COL6A5: variants seen among roughly 807,000 people sequenced by gnomAD.
COL6A5 encodes collagen type VI alpha 5 chain.
A neutral mutation model predicts 65.6 loss-of-function variants in COL6A5; 48 were observed. That is an observed-to-expected ratio of 0.73 (90% CI 0.58 to 0.93). The LOEUF (loss-of-function observed/expected upper bound fraction) is 0.93. Ranked by LOEUF, COL6A5 falls within the 40% of genes least tolerant of loss-of-function variation. COL6A5 has a pLI of 0.00. For synonymous variants in COL6A5, 291 were observed against 322.8 expected, an observed-to-expected ratio of 0.90 and a Z score of 1.05; for missense variants, 914 against 928.3, an observed-to-expected ratio of 0.98 and a Z score of 0.20.
intron 5 of COL6A5, 38 bp downstream of exon 37, chr3:130,455,704 AG>A (rs1166437969): frequency 4.0e-6 from 6 of 1,490,962 alleles, no homozygotes; most frequent in Non-Finnish European, 5.6e-6. Context: ...ATGTTTAAAT[AG>A]CCAGGATCCT....
chr3:130,465,196 G>A (rs149098961), intron 5 of COL6A5, among the ~76,000 whole-genome samples: 24 of 152,140 alleles, frequency 1.6e-4, no homozygotes, highest in African/African-American at 5.3e-4. Context: ...GTGAGCTCCT[G>A]GAGCTGAGGA....
chr3:130,383,004 C>A (rs1936060375), intron 4 of COL6A5, among the ~76,000 whole-genome samples: 1 of 152,042 alleles, frequency 6.6e-6, no homozygotes, highest in Non-Finnish European at 1.5e-5. Flanking sequence ...AAGAGAGTTA[C>A]TGTAGTTTTA....
chr3:130,401,291 C>A, intron 11 of COL6A5, 118 bp downstream of exon 11: 1 of 876,002 alleles, frequency 1.1e-6, no homozygotes, highest in Non-Finnish European at 1.7e-6. Context: ...GTGCTTTGTC[C>A]TTAGTATATA....
chr3:130,482,439 T>G (rs1710274419), intron 7 of COL6A5, among the ~76,000 whole-genome samples: 1 of 152,210 alleles, frequency 6.6e-6, no homozygotes, highest in Non-Finnish European at 1.5e-5. Context: ...GCTGTTTTGG[T>G]TACTGTAGCC....
intron 4 of COL6A5, among the ~76,000 whole-genome samples, chr3:130,447,013 C>T (rs934836792): frequency 4.6e-5 from 7 of 152,070 alleles, no homozygotes; most frequent in South Asian, 2.1e-4. Context: ...TTTTAAAGTG[C>T]GATTGGCCCG....
chr3:130,430,489 T>C (rs16827728), upstream of COL6A5, among the ~76,000 whole-genome samples: 21,454 of 152,160 alleles, frequency 0.14, 1,925 homozygotes, highest in East Asian at 0.32. Flanking sequence ...CCTGAGCAGA[T>C]GGAAGTGCTT....
chr3:130,347,873 G>T (rs1934555371), intron 1 of COL6A5, among the ~76,000 whole-genome samples: 1 of 152,140 alleles, frequency 6.6e-6, no homozygotes. Flanking sequence ...AAGTGCAAAG[G>T]AAGAGGAGTT....
intron 17 of COL6A5, among the ~76,000 whole-genome samples, chr3:130,406,699 G>A (rs1937005667): frequency 6.6e-6 from 1 of 151,842 alleles, no homozygotes; most frequent in Non-Finnish European, 1.5e-5. Flanking sequence ...AAGAGAAAGA[G>A]ACAAAATTAT....
intron 1 of COL6A5, among the ~76,000 whole-genome samples, chr3:130,355,951 G>T (rs549921010): frequency 1.3e-5 from 2 of 152,080 alleles, no homozygotes; most frequent in Admixed American, 1.3e-4. Context: ...CTACCCAAGA[G>T]GAAGCAGGGT....
intron 9 of COL6A5, 26 bp from the exon 10 acceptor site, chr3:130,398,004 A>G (rs539033617): frequency 6.5e-7 from 1 of 1,546,740 alleles, no homozygotes; most frequent in Non-Finnish European, 8.7e-7. Context: ...TAGCTTTTAC[A>G]CCATACCATT....
At chr3:130,349,004 A>G (rs550635607) in intron 1 of COL6A5, among the ~76,000 whole-genome samples, 9 of 152,042 alleles carry the variant, frequency 5.9e-5, no homozygotes, top group East Asian at 1.9e-4. Flanking sequence ...TCAAGGAACC[A>G]TTCTTGTCCT....
chr3:130,459,558 A>G (rs1709656977), intron 5 of COL6A5, among the ~76,000 whole-genome samples: 1 of 152,056 alleles, frequency 6.6e-6, no homozygotes, highest in African/African-American at 2.4e-5. Flanking sequence ...TCTCCAGTGT[A>G]CAGGACAGCC....
intron 4 of COL6A5, among the ~76,000 whole-genome samples, chr3:130,384,181 A>G (rs1270640731): frequency 1.3e-5 from 2 of 152,026 alleles, no homozygotes; most frequent in African/African-American, 4.8e-5. Flanking sequence ...GGCACATGCA[A>G]AGACCCAGGG....
exon 5 of COL6A5, chr3:130,385,035 A>C: frequency 6.4e-7 from 1 of 1,550,894 alleles, no homozygotes; most frequent in Non-Finnish European, 8.7e-7. Flanking sequence ...GCTATTTTTA[A>C]CATTAAGCAA....
chr3:130,379,732 G>A, exon 4 of COL6A5: 1 of 1,551,426 alleles, frequency 6.4e-7, no homozygotes, highest in Non-Finnish European at 8.7e-7. Context: ...CGGCTTCTCA[G>A]AGTCATATGG....
chr3:130,453,511 A>G (rs1441641240), intron 4 of COL6A5, among the ~76,000 whole-genome samples: 5 of 152,148 alleles, frequency 3.3e-5, no homozygotes, highest in Non-Finnish European at 7.4e-5. Context: ...GTCTGAGGCT[A>G]CATATGATTC....
At chr3:130,443,418 A>G in intron 3 of COL6A5, 58 bp from the exon 36 acceptor site, 14 of 1,280,410 alleles carry the variant, frequency 1.1e-5, no homozygotes, top group Admixed American at 1.7e-5. Context: ...GATTCTCTTT[A>G]CCTAGGAAAC....
chr3:130,387,483 A>G (rs1407651846), intron 5 of COL6A5, among the ~76,000 whole-genome samples: 1 of 152,112 alleles, frequency 6.6e-6, no homozygotes, highest in Non-Finnish European at 1.5e-5. Flanking sequence ...ACAGTGGTCA[A>G]GGCCACTCTG....
chr3:130,431,439 A>T (rs1693481531), upstream of COL6A5: 1 of 1,547,602 alleles, frequency 6.5e-7, no homozygotes, highest in South Asian at 1.2e-5. Context: ...GAAATAACTT[A>T]ATACTTCTGC....
Sources: gnomAD v4.1 joint callset for allele counts (sites outside exome capture counted in the v4.1 genomes callset) on GRCh38, gnomAD v4.1.1 for gene constraint, MANE v1.5 for transcripts, NCBI Gene and HGNC (gene_info 2026-07-23, HGNC 2026-07-21) for gene names.